Variants in WWC2 observed in about 807,000 individuals in gnomAD.
The protein encoded by WWC2 is protein WWC2.
WWC2 carries 101 observed loss-of-function variants against 138.5 expected under a neutral mutation model. The observed-to-expected ratio is 0.73, with a 90% CI of 0.62 to 0.86. The LOEUF is 0.86. Ranked by LOEUF, WWC2 falls within the 40% of genes least tolerant of loss-of-function variation. The pLI, the probability that WWC2 is intolerant of heterozygous loss-of-function variation, is 0.00. For missense variants in WWC2, 1,420 were observed against 1,419.4 expected (o/e 1.00, Z -0.01); for synonymous variants, 558 against 538.4 (o/e 1.04, Z -0.50).
At chr4:183,243,129 G>A (rs1736669997) in intron 5 of WWC2, among the ~76,000 whole-genome samples, 2 of 152,198 alleles carry the variant, frequency 1.3e-5, no homozygotes, top group South Asian at 2.1e-4. Flanking sequence ...AACCAGTCCT[G>A]CTTTTATTTT....
intron 1 of WWC2, among the ~76,000 whole-genome samples, chr4:183,184,784 TA>T (rs1734743435): frequency 6.6e-6 from 1 of 152,246 alleles, no homozygotes; most frequent in South Asian, 2.1e-4. Flanking sequence ...AAATGAAGGA[TA>T]AAGAAAGCCT....
intron 1 of WWC2, among the ~76,000 whole-genome samples, chr4:183,105,720 C>T (rs1203965178): frequency 6.6e-6 from 1 of 152,042 alleles, no homozygotes; most frequent in Admixed American, 6.5e-5. Flanking sequence ...GAAACCCTGT[C>T]TCTACTAAAA....
At position 183,261,545 on chromosome 4, in the gene WWC2, C is replaced by G; in HGVS notation, c.1909+13C>G. ...GAAGGAACTGCAGGTAAATGCAGCC[C>G]TTTGCTTTCATGTATTCCCTGTTAG... On this transcript the variant is annotated intron_variant, in intron 11 of 22. Transcript: ENST00000403733. 1 of 1,601,808 alleles carries G rather than the reference C, an allele frequency of 6.2e-7. No homozygotes were observed. The highest frequency in any genetic ancestry group is 8.5e-7 in the Non-Finnish European group (1 of 1,174,124).
intron 4 of WWC2, among the ~76,000 whole-genome samples, chr4:183,214,582 CG>C (rs921754126): frequency 5.3e-5 from 8 of 152,024 alleles, no homozygotes; most frequent in African/African-American, 1.9e-4. Flanking sequence ...CACCTGAGGT[CG>C]GGAGTTCGAG....
chr4:183,104,132 C>T (rs560470869), intron 1 of WWC2, among the ~76,000 whole-genome samples: 67 of 151,634 alleles, frequency 4.4e-4, no homozygotes, highest in African/African-American at 1.5e-3. Flanking sequence ...GCTAATTTTT[C>T]GTAGTTTTTT....
intron 16 of WWC2, among the ~76,000 whole-genome samples, chr4:183,276,490 T>G (rs538944744): frequency 3.3e-5 from 5 of 152,176 alleles, no homozygotes; most frequent in African/African-American, 1.2e-4. Context: ...ATAGCATGAG[T>G]TCTTAACTTA....
chr4:183,320,269 G>A lies in WWC2; in HGVS notation c.*4540G>A. On this transcript the variant is annotated 3_prime_UTR_variant, in exon 23 of 23. Coordinates refer to ENST00000403733, the MANE Select transcript of WWC2 (RefSeq NM_024949.6). Reference sequence around the variant, plus strand: ...AACTAACTCCTGCCCTTCGGTTGCTGTGAAAAGAAGTGTGACACTTGTGTT... The same window carrying A: ...AACTAACTCCTGCCCTTCGGTTGCTATGAAAAGAAGTGTGACACTTGTGTT... 2.7e-6 allele frequency: 4 copies of A among 1,480,144 alleles called. No homozygotes were observed. Among genetic ancestry groups the A allele is most frequent in the Non-Finnish European group, 9.2e-7 (1 of 1,084,376 alleles). 91.7% of individuals were successfully genotyped at this position (1,480,144 alleles called of 1,614,324 possible).
intron 21 of WWC2, among the ~76,000 whole-genome samples, chr4:183,303,516 A>G (rs1580167504): frequency 6.6e-6 from 1 of 152,184 alleles, no homozygotes; most frequent in East Asian, 1.9e-4. Context: ...TGGCCCTTTT[A>G]CCCCATGACG....
At chr4:183,268,221 G>A (rs545913816) in intron 14 of WWC2, among the ~76,000 whole-genome samples, 11 of 152,292 alleles carry the variant, frequency 7.2e-5, no homozygotes, top group Non-Finnish European at 1.2e-4. Flanking sequence ...TAGACTTAGC[G>A]GTATTCTCTT....
In WWC2 at chr4:183,149,663, C is replaced by T. The variant is rs1733584170; in HGVS notation, c.132-43936C>T. ...CTTTAAGTATTTTTTTAATCTATAG[C>T]TTCTCTCTTTTTTTTTTTTTTTGGC... On this transcript the variant is annotated intron_variant, in intron 1 of 22. Transcript: ENST00000403733. Among the ~76,000 whole-genome samples, 5 of 147,846 alleles carry T rather than the reference C, an allele frequency of 3.4e-5. No homozygotes were observed. The South Asian group carries it at 1.1e-3, about 31-fold the overall frequency.
intron 1 of WWC2, among the ~76,000 whole-genome samples, chr4:183,148,632 C>T (rs1733541850): frequency 6.6e-6 from 1 of 152,168 alleles, no homozygotes; most frequent in Admixed American, 6.5e-5. Context: ...TATGTCTTCG[C>T]TTCTTTCTAG....
intron 2 of WWC2, among the ~76,000 whole-genome samples, chr4:183,196,900 G>C (rs895506964): frequency 2.6e-5 from 4 of 152,104 alleles, no homozygotes; most frequent in African/African-American, 9.7e-5. Context: ...TATTTCCAGA[G>C]GACCAGGTGC....
chr4:183,184,070 C>A (rs532119882), intron 1 of WWC2, among the ~76,000 whole-genome samples: 2 of 152,274 alleles, frequency 1.3e-5, no homozygotes, highest in East Asian at 3.9e-4. Context: ...TGTTGTGCAA[C>A]CAACCCCTAT....
chr4:183,164,651 G>T (rs1034022522), intron 1 of WWC2, among the ~76,000 whole-genome samples: 3 of 151,968 alleles, frequency 2.0e-5, no homozygotes, highest in Non-Finnish European at 4.4e-5. Flanking sequence ...TTTCCTGTGG[G>T]TATGGGTCCT....
chr4:183,152,451 A>G (rs529008272), intron 1 of WWC2, among the ~76,000 whole-genome samples: 19 of 151,314 alleles, frequency 1.3e-4, no homozygotes, highest in African/African-American at 3.9e-4. Context: ...GTGAGCTGAG[A>G]TTGTGCCACT....
chr4:183,264,793 T>C (rs537325663), intron 11 of WWC2, among the ~76,000 whole-genome samples, 185 bp from the exon 12 acceptor site: 1 of 152,264 alleles, frequency 6.6e-6, no homozygotes, highest in Non-Finnish European at 1.5e-5. Flanking sequence ...AAAACTGGCG[T>C]CCCAGGAATC....
At chr4:183,150,628 C>T (rs1306287765) in intron 1 of WWC2, among the ~76,000 whole-genome samples, 1 of 152,088 alleles carries the variant, frequency 6.6e-6, no homozygotes, top group Non-Finnish European at 1.5e-5. Flanking sequence ...TTGCTGCGCC[C>T]ATTAACTCGT....
chr4:183,160,284 AC>A (rs1488774674), intron 1 of WWC2, among the ~76,000 whole-genome samples: 1 of 152,242 alleles, frequency 6.6e-6, no homozygotes, highest in East Asian at 1.9e-4. Context: ...TGATAAACTC[AC>A]GTAACATTTT....
intron 21 of WWC2, among the ~76,000 whole-genome samples, chr4:183,303,679 CAT>C (rs891184276): frequency 3.3e-5 from 5 of 152,096 alleles, no homozygotes; most frequent in Non-Finnish European, 7.4e-5. Context: ...GATAAATAAA[CAT>C]AAATTTGGAT....
Sources: gnomAD v4.1 joint callset for allele counts (sites outside exome capture counted in the v4.1 genomes callset) on GRCh38, gnomAD v4.1.1 for gene constraint, MANE v1.5 for transcripts, NCBI Gene and HGNC (gene_info 2026-07-23, HGNC 2026-07-21) for gene names.